Variants in TBX18 observed in about 807,000 individuals in gnomAD.
TBX18 encodes the protein T-box transcription factor TBX18.
Under a neutral mutation model 55.0 loss-of-function variants are expected in TBX18, and 21 were observed. That is an observed-to-expected ratio of 0.38 (90% confidence interval 0.27 to 0.55). The LOEUF is 0.55. Ranked by LOEUF, TBX18 falls within the 20% of genes least tolerant of loss-of-function variation. TBX18 has a pLI of 0.73. For synonymous variants in TBX18, 342 were observed against 326.1 expected (o/e 1.05, Z -0.53); for missense variants, 840 against 799.6 (o/e 1.05, Z -0.61).
rs1377612096 is a variant in TBX18 at position 84,734,587 on chromosome 6, T to C, written c.*2098A>G. On this transcript the variant is annotated 3_prime_UTR_variant, in exon 8 of 8. Coordinates refer to ENST00000369663, the MANE Select transcript of TBX18 (RefSeq NM_001080508.3). ...GGTGATTAATATTTACAGTAAAACC[T>C]AAAAAAAGCATTTGTACAATATTGC... The C allele has an allele frequency of 1.3e-5, 2 of 152,426 alleles. No individual in the cohort carries two copies. The highest frequency in any genetic ancestry group is 4.8e-5 in the African/African-American group (2 of 41,374). The allele number at this position is 152,426 out of a possible 1,614,324, so 9.4% of individuals were successfully genotyped here. A position where few individuals can be genotyped will look rare whatever the true frequency, so the allele number is the denominator to read the frequency against.
Position 84,764,280 on chromosome 6 carries a change from G to C in TBX18, c.-99C>G, listed in dbSNP as rs1054572245. 2.7e-5 allele frequency: 36 copies of C among 1,352,106 alleles called. No homozygotes were observed. The highest frequency in any genetic ancestry group is 3.4e-5 in the Non-Finnish European group (36 of 1,054,858). The allele number at this position is 1,352,106 out of a possible 1,614,324, so 83.8% of individuals were successfully genotyped here. ...CCCACCAAAAACTAAAAGGCTCTCG[G>C]GGCCTCCCGAGATCTGCCCCCTTCC... On this transcript the variant is annotated 5_prime_UTR_variant, in exon 1 of 8. Transcript: ENST00000369663.
chr6:84,749,721 G>A (rs959280669), intron 4 of TBX18, among the ~76,000 whole-genome samples: 11 of 151,692 alleles, frequency 7.3e-5, no homozygotes, highest in Non-Finnish European at 1.5e-4. Context: ...CTATGTAAAG[G>A]GAAGAATTTT....
intron 4 of TBX18, among the ~76,000 whole-genome samples, chr6:84,753,102 A>G (rs1305098754): frequency 6.6e-6 from 1 of 152,220 alleles, no homozygotes; most frequent in East Asian, 1.9e-4. Context: ...AAAGCTCGCT[A>G]TGGATTCACC....
rs1261951221 is a variant in TBX18, at chr6:84,747,957, G to A, written c.902C>T (p.Thr301Ile). 1 of 1,613,126 alleles carries A rather than the reference G, an allele frequency of 6.2e-7. No individual in the cohort carries two copies. The highest frequency in any genetic ancestry group is 8.5e-7 in the Non-Finnish European group (1 of 1,179,264). ...ATAGGCAGTGACGGTTGTGAAGACA[G>A]TTTCTGGAAAGGAGAATGCCTTTAC... is the stretch of plus-strand genomic sequence containing the variant. ...EGVKAFSFPE[T>I]VFTTVTAYQN... The change falls in exon 5 of 8, where the codon ACT (threonine) becomes ATT (isoleucine). Residue 301 changes from threonine to isoleucine, a missense_variant. Coordinates refer to ENST00000369663, the MANE Select transcript of TBX18 (RefSeq NM_001080508.3).
chr6:84,758,249 A>G (rs1767548086), intron 3 of TBX18, among the ~76,000 whole-genome samples: 1 of 151,978 alleles, frequency 6.6e-6, no homozygotes, highest in Non-Finnish European at 1.5e-5. Flanking sequence ...TCTACTAAAA[A>G]TACAAAAAGT....
intron 1 of TBX18, chr6:84,763,208 C>A (rs1582090166): frequency 2.7e-6 from 1 of 365,164 alleles, no homozygotes; most frequent in Non-Finnish European, 5.3e-6. Context: ...GCCTGGGCCT[C>A]CTTAAGCCAT....
At chr6:84,744,472 T>C (rs191246269) in intron 5 of TBX18, 147 bp from the exon 6 acceptor site, 1 of 618,394 alleles carries the variant, frequency 1.6e-6, no homozygotes, top group African/African-American at 1.9e-5. Context: ...TTTAATATCC[T>C]AGCAGTAAAG....
chr6:84,737,497 C>T, intron 7 of TBX18, 88 bp from the exon 8 acceptor site: 1 of 1,402,480 alleles, frequency 7.1e-7, no homozygotes, highest in Non-Finnish European at 9.4e-7. Context: ...CAGCTTGTTA[C>T]AAGGCAAGGG....
intron 7 of TBX18, 147 bp from the exon 8 acceptor site, chr6:84,737,556 G>T: frequency 2.3e-6 from 2 of 886,062 alleles, no homozygotes; most frequent in Non-Finnish European, 3.1e-6. Flanking sequence ...AGCTTTCAAG[G>T]AATTATCTGG....
chr6:84,737,380 C>A lies in TBX18; in HGVS notation c.1129G>T (p.Gly377Cys), dbSNP rs1256757566. The change falls in exon 8 of 8, where the codon GGT becomes TGT. Residue 377 changes from glycine (G) to cysteine (C), a missense_variant. Transcript: ENST00000369663. The part of the protein sequence containing the change: ...GNASSSTLLQ[G>C]TGNGVPATHP... ...GTGGCAGGAACGCCATTCCCAGTAC[C>A]TTGGAGCAAGGTGGAGGAACTTGCA... 2.0e-6 allele frequency: 3 copies of A among 1,526,618 alleles called. No individual in the cohort carries two copies. The highest frequency in any genetic ancestry group is 2.6e-5 in the South Asian group (2 of 76,346). 94.6% of individuals were successfully genotyped at this position (1,526,618 alleles called of 1,614,324 possible).
chr6:84,759,626 A>G (rs1040144679), intron 3 of TBX18, among the ~76,000 whole-genome samples: 3 of 152,080 alleles, frequency 2.0e-5, no homozygotes, highest in African/African-American at 7.2e-5. Context: ...CTTTACATAA[A>G]TATGTCCTCT....
At position 84,764,297 on chromosome 6, in the gene TBX18, C is replaced by T. The variant is rs914639544; in HGVS notation, c.-116G>A. On this transcript the variant is annotated 5_prime_UTR_variant, in exon 1 of 8. Coordinates refer to ENST00000369663, the MANE Select transcript of TBX18 (RefSeq NM_001080508.3). ...GGCTCTCGGGGCCTCCCGAGATCTG[C>T]CCCCTTCCCCACCGCGGGCAAAAAA... 9 of 1,289,652 alleles carry T rather than the reference C, an allele frequency of 7.0e-6. No homozygotes were observed. Among genetic ancestry groups the T allele is most frequent in the African/African-American group, 1.6e-5 (1 of 63,790 alleles). 79.9% of individuals were successfully genotyped at this position (1,289,652 alleles called of 1,614,324 possible). A position where few individuals can be genotyped will look rare whatever the true frequency, so the allele number is the denominator to read the frequency against.
At chr6:84,743,580 C>T (rs1307853254) in intron 6 of TBX18, among the ~76,000 whole-genome samples, 1 of 152,120 alleles carries the variant, frequency 6.6e-6, no homozygotes, top group Non-Finnish European at 1.5e-5. Context: ...CTAACAGTTA[C>T]TTTAGAAAAT....
Position 84,763,872 on chromosome 6 carries a change from A to C in TBX18, c.292+18T>G. ...TTCGCGCCGGAGAGAAGTTATAGGC[A>C]GGAAGGGGCCCACTCACCCGCGGCT... On this transcript the variant is annotated intron_variant, in intron 1 of 7. Coordinates refer to ENST00000369663, the MANE Select transcript of TBX18 (RefSeq NM_001080508.3). 4 of 1,481,882 alleles carry C rather than the reference A, an allele frequency of 2.7e-6. No individual in the cohort carries two copies. The highest frequency in any genetic ancestry group is 3.6e-6 in the Non-Finnish European group (4 of 1,125,418). 91.8% of individuals were successfully genotyped at this position (1,481,882 alleles called of 1,614,324 possible). A position where few individuals can be genotyped will look rare whatever the true frequency, so the allele number is the denominator to read the frequency against.
rs886041719 is a variant in TBX18, at chr6:84,737,224, G to A, written c.1285C>T (p.Arg429Ter). 6.2e-7 allele frequency: 1 copy of A among 1,610,802 alleles called. No individual in the cohort carries two copies. The highest frequency in any genetic ancestry group is 8.5e-7 in the Non-Finnish European group (1 of 1,178,154). Residue 429 changes from arginine to a stop codon, truncating the protein, a stop_gained, in exon 8 of 8, where the codon CGA becomes TGA. Coordinates refer to ENST00000369663, the MANE Select transcript of TBX18 (RefSeq NM_001080508.3). LOFTEE classifies it high-confidence loss of function. ...ACARSGLTLN[R>*]YSTSLAETYN... Reference sequence around the variant, plus strand: ...GTCTCTGCCAAAGATGTGCTGTATCGGTTGAGGGTGAGGCCTGAGCGGGCA... The same window carrying A: ...GTCTCTGCCAAAGATGTGCTGTATCAGTTGAGGGTGAGGCCTGAGCGGGCA...
At chr6:84,738,930 G>C (rs1010899551) in intron 6 of TBX18, among the ~76,000 whole-genome samples, 1 of 152,146 alleles carries the variant, frequency 6.6e-6, no homozygotes, top group Non-Finnish European at 1.5e-5. Flanking sequence ...GCTCTGCTGT[G>C]ATCTGGAACA....
Position 84,764,353 on chromosome 6 carries a change from G to A in TBX18, c.-172C>T. ...TTGGCGTTTCCGCTTTCTCGCTTGT[G>A]TTGGGATCCAGGAACCGGCGACGCG... On this transcript the variant is annotated 5_prime_UTR_variant, in exon 1 of 8. Coordinates refer to ENST00000369663, the MANE Select transcript of TBX18 (RefSeq NM_001080508.3). The A allele has an allele frequency of 1.0e-6, 1 of 997,418 alleles. No individual in the cohort carries two copies. The highest frequency in any genetic ancestry group is 1.4e-6 in the Non-Finnish European group (1 of 737,802). The allele number at this position is 997,418 out of a possible 1,614,324, so 61.8% of individuals were successfully genotyped here.
intron 3 of TBX18, 38 bp downstream of exon 3, chr6:84,760,217 G>GA (rs1554221017): frequency 1.9e-6 from 2 of 1,068,688 alleles, no homozygotes; most frequent in Admixed American, 2.8e-5. Flanking sequence ...AAATCCTAGT[G>GA]TTTTTTTTTT....
At chr6:84,762,929 C>G (rs1424784794) in intron 1 of TBX18, 181 bp from the exon 2 acceptor site, 2 of 632,526 alleles carry the variant, frequency 3.2e-6, no homozygotes, top group African/African-American at 3.7e-5. Context: ...TTCTGCCTGT[C>G]GAAGGGGCGC....
Sources: allele counts gnomAD v4.1 joint callset (sites outside exome capture counted in the v4.1 genomes callset), GRCh38; gene constraint gnomAD v4.1.1; transcripts MANE v1.5; gene names NCBI Gene and HGNC (gene_info 2026-07-23, HGNC 2026-07-21).